Variants in ZBTB20 observed in about 807,000 individuals in gnomAD.
ZBTB20 encodes the protein zinc finger and BTB domain containing 20.
ZBTB20 carries 9 observed loss-of-function variants against 56.9 expected under a neutral mutation model. The observed-to-expected ratio is 0.16, with a 90% confidence interval of 0.10 to 0.28. ZBTB20 has a LOEUF of 0.28. ZBTB20 is among the 10% of genes least tolerant of loss of function. ZBTB20 has a pLI of 1.00. For synonymous variants in ZBTB20, 417 were observed against 420.7 expected (o/e 0.99, Z 0.11); for missense variants, 655 against 1,003.0 (o/e 0.65, Z 4.69).
chr3:114,751,026 TA>T (rs1246405366), intron 5 of ZBTB20, among the ~76,000 whole-genome samples: 1 of 152,208 alleles, frequency 6.6e-6, no homozygotes, highest in Non-Finnish European at 1.5e-5. Flanking sequence ...CTAAAATAAC[TA>T]AAGCAATCTT....
chr3:115,129,230 A>T (rs1245283884), intron 1 of ZBTB20, among the ~76,000 whole-genome samples: 1 of 152,238 alleles, frequency 6.6e-6, no homozygotes, highest in African/African-American at 2.4e-5. Flanking sequence ...GTAAAAGTCA[A>T]ATGATTAGGG....
At chr3:115,021,179 T>G (rs1377176521) in intron 2 of ZBTB20, among the ~76,000 whole-genome samples, 3 of 151,028 alleles carry the variant, frequency 2.0e-5, no homozygotes, top group African/African-American at 7.3e-5. Flanking sequence ...TTTTCTAAGT[T>G]AAAGTCTTAA....
chr3:115,048,963 C>T (rs371348093), intron 2 of ZBTB20, among the ~76,000 whole-genome samples: 3 of 152,186 alleles, frequency 2.0e-5, no homozygotes, highest in South Asian at 2.1e-4. Flanking sequence ...TCCAAACTTA[C>T]TCCATTCATA....
chr3:114,429,275 A>G (rs2089946371), intron 7 of ZBTB20, among the ~76,000 whole-genome samples: 1 of 152,160 alleles, frequency 6.6e-6, no homozygotes, highest in Non-Finnish European at 1.5e-5. Flanking sequence ...TTAAATAATC[A>G]AGTAGTCAAA....
rs374718964 is a variant in ZBTB20 at position 115,029,461 on chromosome 3, G to A, written c.-507+41758C>T. The stretch of plus-strand genomic sequence containing the variant: ...TACTAAAAAGAAACTTTTATTAGCA[G>A]GTTTAAACTGTATTGTAAAAGCCAC... On this transcript the variant is annotated intron_variant, in intron 2 of 11. Coordinates refer to ENST00000675478, the MANE Select transcript of ZBTB20 (RefSeq NM_001348800.3). Among the ~76,000 whole-genome samples the A allele has an allele frequency of 3.3e-5, 5 of 150,644 alleles. No individual in the cohort carries two copies. In the East Asian group the frequency reaches 7.8e-4, roughly 23 times the overall value.
intron 6 of ZBTB20, among the ~76,000 whole-genome samples, chr3:114,678,047 C>T (rs1458249553): frequency 6.6e-6 from 1 of 152,136 alleles, no homozygotes; most frequent in Non-Finnish European, 1.5e-5. Flanking sequence ...GCAAAGCAAT[C>T]TGATTCTTTA....
intron 6 of ZBTB20, among the ~76,000 whole-genome samples, chr3:114,607,158 T>C (rs1214078631): frequency 6.6e-6 from 1 of 152,150 alleles, no homozygotes; most frequent in Non-Finnish European, 1.5e-5. Flanking sequence ...AGTTGAAGTT[T>C]ATAATTCTCA....
At chr3:114,872,659 A>T (rs1362558639) in intron 4 of ZBTB20, among the ~76,000 whole-genome samples, 1 of 151,940 alleles carries the variant, frequency 6.6e-6, no homozygotes, top group African/African-American at 2.4e-5. Flanking sequence ...AAAAGGACTG[A>T]CTATGGAGTA....
intron 4 of ZBTB20, among the ~76,000 whole-genome samples, chr3:114,850,827 G>T (rs1449850976): frequency 6.6e-6 from 1 of 152,174 alleles, no homozygotes. Context: ...GTGGAGAGAG[G>T]ATGTTTGGGA....
intron 5 of ZBTB20, among the ~76,000 whole-genome samples, chr3:114,736,785 T>A (rs2066194812): frequency 6.6e-6 from 1 of 152,046 alleles, no homozygotes; most frequent in Non-Finnish European, 1.5e-5. Flanking sequence ...TGGAGGGCCA[T>A]GAAACTTACA....
chr3:114,987,085 A>G (rs903718293), intron 2 of ZBTB20, among the ~76,000 whole-genome samples: 17 of 152,166 alleles, frequency 1.1e-4, no homozygotes, highest in Non-Finnish European at 7.4e-5. Context: ...ATTAAATTAT[A>G]TCAGCATGTC....
intron 7 of ZBTB20, among the ~76,000 whole-genome samples, chr3:114,429,760 A>C (rs1458524862): frequency 2.0e-5 from 3 of 152,230 alleles, no homozygotes; most frequent in African/African-American, 7.2e-5. Flanking sequence ...ACAAACAAAG[A>C]AACAGTGCAG....
intron 5 of ZBTB20, among the ~76,000 whole-genome samples, chr3:114,695,453 CAG>C (rs982257926): frequency 6.6e-6 from 1 of 151,970 alleles, no homozygotes; most frequent in African/African-American, 2.4e-5. Flanking sequence ...TAGTATGGTT[CAG>C]AGACCGTGAA....
At chr3:114,930,301 T>C (rs556851190) in intron 3 of ZBTB20, among the ~76,000 whole-genome samples, 2 of 152,258 alleles carry the variant, frequency 1.3e-5, no homozygotes, top group East Asian at 1.9e-4. Context: ...TATATCTTGT[T>C]TATAAATCTT....
At chr3:114,466,949 CGGTGGACACTGACAA>C (rs2092579501) in intron 7 of ZBTB20, among the ~76,000 whole-genome samples, 1 of 152,124 alleles carries the variant, frequency 6.6e-6, no homozygotes, top group Admixed American at 6.6e-5. Context: ...TGCTATTCAG[CGGTGGACACTGACAA>C]AGTTACCTGA....
intron 1 of ZBTB20, among the ~76,000 whole-genome samples, chr3:115,128,049 T>C (rs1036878951): frequency 6.6e-6 from 1 of 151,966 alleles, no homozygotes; most frequent in African/African-American, 2.4e-5. Context: ...TTTTCTTGAA[T>C]AGAGAAAGAA....
intron 6 of ZBTB20, among the ~76,000 whole-genome samples, chr3:114,635,632 A>G (rs1344517146): frequency 6.6e-6 from 1 of 152,040 alleles, no homozygotes; most frequent in Non-Finnish European, 1.5e-5. Flanking sequence ...AGAATTACTG[A>G]AGCTGGAGAA....
intron 2 of ZBTB20, among the ~76,000 whole-genome samples, chr3:115,010,788 T>C (rs913558492): frequency 6.6e-6 from 1 of 151,888 alleles, no homozygotes; most frequent in Non-Finnish European, 1.5e-5. Flanking sequence ...GACATCCCCG[T>C]ATGAACTAAA....
At chr3:114,756,128 C>A (rs1008790267) in intron 5 of ZBTB20, among the ~76,000 whole-genome samples, 1 of 151,668 alleles carries the variant, frequency 6.6e-6, no homozygotes, top group Non-Finnish European at 1.5e-5. Flanking sequence ...ATTTTAATTC[C>A]CTTATTGGTG....
Sources: allele counts gnomAD v4.1 joint callset (sites outside exome capture counted in the v4.1 genomes callset), GRCh38; gene constraint gnomAD v4.1.1; transcripts MANE v1.5; gene names NCBI Gene and HGNC (gene_info 2026-07-23, HGNC 2026-07-21).